WRAP73: variants seen among roughly 807,000 people sequenced by gnomAD.
WRAP73 encodes WD repeat-containing protein WRAP73.
A neutral mutation model predicts 59.6 loss-of-function variants in WRAP73; 55 were observed. The observed-to-expected ratio is 0.92, with a 90% CI of 0.74 to 1.15. The LOEUF is 1.15. Among genes scored for constraint, WRAP73 ranks in the 50% most tolerant of loss-of-function variants. The probability of loss-of-function intolerance (pLI) is 0.00; values close to 1 mark genes in which losing one functional copy is unlikely to be tolerated. For missense variants in WRAP73, 592 were observed against 608.1 expected, an observed-to-expected ratio of 0.97 and a Z score of 0.28; for synonymous variants, 265 against 258.2, an observed-to-expected ratio of 1.03 and a Z score of -0.25.
intron 3 of WRAP73, among the ~76,000 whole-genome samples, chr1:3,640,939 T>A (rs1253128007): frequency 1.3e-5 from 2 of 152,246 alleles, no homozygotes; most frequent in Non-Finnish European, 2.9e-5. Context: ...CTCAGGCACA[T>A]CTTAGGAAAC....
intron 3 of WRAP73, among the ~76,000 whole-genome samples, chr1:3,641,010 C>A (rs895791642): frequency 6.6e-6 from 1 of 152,214 alleles, no homozygotes; most frequent in Non-Finnish European, 1.5e-5. Flanking sequence ...AAACAAAAAC[C>A]TTTAAAAGAT....
In WRAP73 at chr1:3,650,094, G is replaced by A. The variant is rs1423523194; in HGVS notation, c.-95C>T. On this transcript the variant is annotated 5_prime_UTR_variant, in exon 1 of 12. Coordinates refer to ENST00000270708, the MANE Select transcript of WRAP73 (RefSeq NM_017818.4). ...GCAACAGCCGACGCCGGCCTCCGAGGCCGGAAGTCAGAAGGCGGAAGTGAA... is the reference window on the plus strand; with the variant it reads ...GCAACAGCCGACGCCGGCCTCCGAGACCGGAAGTCAGAAGGCGGAAGTGAA... 7 of 1,316,880 alleles carry A rather than the reference G, an allele frequency of 5.3e-6. No homozygotes were observed. Among genetic ancestry groups the A allele is most frequent in the Non-Finnish European group, 6.1e-6 (6 of 977,812 alleles). The allele number at this position is 1,316,880 out of a possible 1,614,324, so 81.6% of individuals were successfully genotyped here.
In WRAP73 at chr1:3,633,501, C is replaced by A; in HGVS notation, c.819G>T (p.Val273=). 6.3e-7 allele frequency: 1 copy of A among 1,591,440 alleles called. No individual in the cohort carries two copies. The highest frequency in any genetic ancestry group is 1.9e-5 in the Admixed American group (1 of 53,576). The part of the protein sequence containing the change: ...HPAAINDPKI[V]VYKEAEKSPQ... ...GGCTCTTCTCGGCCTCCTTATACAC[C>A]ACCTGAAAGACACAAGGTGGCCACG... The change falls in exon 9 of 12, where the codon GTG becomes GTT. Residue 273 remains valine (V), a splice_region_variant and synonymous_variant. Transcript: ENST00000270708.
At chr1:3,641,720 C>T (rs1303365643) in intron 3 of WRAP73, among the ~76,000 whole-genome samples, 1 of 152,208 alleles carries the variant, frequency 6.6e-6, no homozygotes, top group Non-Finnish European at 1.5e-5. Context: ...GGTGAATTCT[C>T]TTGCTTATAA....
Position 3,645,410 on chromosome 1 carries a change from TGGTGTGCGCGGC to T in WRAP73, c.339+1244_339+1255del, listed in dbSNP as rs1557463648. ...GCAGCGGGACGGGCGGGTTGCCCCG[TGGTGTGCGCGGC>T]GCAGCGGGACGGGCGGGTTGCCCCG... On this transcript the variant is annotated intron_variant, in intron 3 of 11. Coordinates refer to ENST00000270708, the MANE Select transcript of WRAP73 (RefSeq NM_017818.4). Among the ~76,000 whole-genome samples the T allele has an allele frequency of 3.2e-3, 437 of 135,284 alleles. 4 individuals carry two copies. The highest frequency in any genetic ancestry group is 0.012 in the African/African-American group (414 of 33,598). The allele number at this position is 135,284 out of a possible 152,430, so 88.8% of individuals were successfully genotyped here.
intron 8 of WRAP73, 145 bp downstream of exon 8, chr1:3,634,852 C>T (rs575494604): frequency 2.1e-5 from 21 of 979,290 alleles, no homozygotes; most frequent in East Asian, 9.6e-5. Context: ...GGGCCAGACG[C>T]GTGAAATGTC....
chr1:3,645,207 G>T (rs1237498799), intron 3 of WRAP73, among the ~76,000 whole-genome samples: 3 of 152,216 alleles, frequency 2.0e-5, no homozygotes, highest in Non-Finnish European at 4.4e-5. Context: ...TATCCCAGCC[G>T]ATGCCAGCTT....
intron 3 of WRAP73, among the ~76,000 whole-genome samples, chr1:3,642,883 C>T (rs1404167708): frequency 2.0e-5 from 3 of 152,082 alleles, no homozygotes; most frequent in Admixed American, 6.6e-5. Context: ...AAGCACTCAA[C>T]CTCACCGAGA....
In WRAP73 at chr1:3,647,526, T is replaced by A. The variant is rs1252906081; in HGVS notation, c.104A>T (p.Asp35Val). 6.2e-7 allele frequency: 1 copy of A among 1,613,842 alleles called. No homozygotes were observed. The highest frequency in any genetic ancestry group is 8.5e-7 in the Non-Finnish European group (1 of 1,179,878). ...CTGAAGGATCTGAAGGGTGTTCACA[T>A]CCCGGACCACTAACCGGTACTGGAC... is the stretch of plus-strand genomic sequence containing the variant. ...SCVQYRLVVRDVNTLQILQLY... is the reference protein window; with the variant it reads ...SCVQYRLVVRVVNTLQILQLY... Residue 35 changes from aspartate (D) to valine (V), a missense_variant, in exon 2 of 12, where the codon GAT becomes GTT. Coordinates refer to ENST00000270708, the MANE Select transcript of WRAP73 (RefSeq NM_017818.4).
intron 3 of WRAP73, among the ~76,000 whole-genome samples, chr1:3,642,066 TAAC>T (rs1342092088): frequency 6.6e-6 from 1 of 152,196 alleles, no homozygotes; most frequent in Non-Finnish European, 1.5e-5. Flanking sequence ...TGTATGCAGC[TAAC>T]AACAAAGTCT....
At chr1:3,631,706 T>A in intron 10 of WRAP73, 49 bp from the exon 11 acceptor site, 1 of 1,552,156 alleles carries the variant, frequency 6.4e-7, no homozygotes, top group Non-Finnish European at 8.7e-7. Context: ...CTGGCTCCTC[T>A]GTGTTGGCCC....
intron 3 of WRAP73, among the ~76,000 whole-genome samples, chr1:3,643,647 A>C (rs1160753840): frequency 2.8e-5 from 3 of 105,410 alleles, no homozygotes; most frequent in African/African-American, 1.1e-4. Context: ...GCGCCTTCGG[A>C]AGGGGACCCA....
intron 1 of WRAP73, 148 bp downstream of exon 1, chr1:3,649,783 G>A: frequency 1.3e-6 from 1 of 779,978 alleles, no homozygotes; most frequent in Non-Finnish European, 2.0e-6. Flanking sequence ...ACCTGCCCCG[G>A]GTACCTGCCC....
chr1:3,649,871 C>G, intron 1 of WRAP73, 60 bp downstream of exon 1: 3 of 1,534,260 alleles, frequency 2.0e-6, no homozygotes, highest in African/African-American at 1.4e-5. Context: ...CCCGGCCCTG[C>G]CCGCCGGGGA....
chr1:3,633,226 AT>A (rs753447952), intron 9 of WRAP73, 171 bp downstream of exon 9: 7 of 681,868 alleles, frequency 1.0e-5, no homozygotes, highest in African/African-American at 1.8e-5. Context: ...CCACTGCGCA[AT>A]TCAGACCCTA....
At chr1:3,644,805 T>C (rs922621152) in intron 3 of WRAP73, among the ~76,000 whole-genome samples, 1 of 152,248 alleles carries the variant, frequency 6.6e-6, no homozygotes, top group African/African-American at 2.4e-5. Context: ...ACCAGGCTTT[T>C]ATCCATCTTT....
At chr1:3,633,696 C>T (rs1213787222) in intron 8 of WRAP73, 193 bp from the exon 9 acceptor site, 4 of 561,068 alleles carry the variant, frequency 7.1e-6, no homozygotes, top group Non-Finnish European at 1.3e-5. Flanking sequence ...CACCCTCTCT[C>T]GTGTCCTGCT....
At chr1:3,638,483 C>T (rs994778646) in intron 4 of WRAP73, among the ~76,000 whole-genome samples, 6 of 152,230 alleles carry the variant, frequency 3.9e-5, no homozygotes, top group South Asian at 2.1e-4. Context: ...CCGGCATCAA[C>T]GCCACCGTTC....
At chr1:3,641,992 T>G (rs1644650572) in intron 3 of WRAP73, among the ~76,000 whole-genome samples, 1 of 152,222 alleles carries the variant, frequency 6.6e-6, no homozygotes, top group East Asian at 1.9e-4. Context: ...ACAAAAGGCC[T>G]GTGCCACCGC....
Sources: gnomAD v4.1 joint callset for allele counts (sites outside exome capture counted in the v4.1 genomes callset) on GRCh38, gnomAD v4.1.1 for gene constraint, MANE v1.5 for transcripts, NCBI Gene and HGNC (gene_info 2026-07-23, HGNC 2026-07-21) for gene names.